FAM171A1: variants seen among roughly 807,000 people sequenced by gnomAD.
The protein encoded by FAM171A1 is protein FAM171A1.
FAM171A1 carries 23 observed loss-of-function variants against 74.9 expected under a neutral mutation model. That is an observed-to-expected ratio of 0.31 (90% CI 0.22 to 0.44). FAM171A1 has a LOEUF of 0.44. Ranked by LOEUF, FAM171A1 falls within the 20% of genes least tolerant of loss-of-function variation. The probability of loss-of-function intolerance (pLI) is 1.00; values close to 1 mark genes in which losing one functional copy is unlikely to be tolerated. For missense variants in FAM171A1, 1,162 were observed against 1,159.2 expected (o/e 1.00, Z -0.03); for synonymous variants, 527 against 505.7 (o/e 1.04, Z -0.57).
chr10:15,256,628 C>T (rs775708382), intron 3 of FAM171A1, among the ~76,000 whole-genome samples: 4 of 152,184 alleles, frequency 2.6e-5, no homozygotes, highest in Non-Finnish European at 4.4e-5. Flanking sequence ...AAACCCACAG[C>T]GACACACCAG....
intron 1 of FAM171A1, among the ~76,000 whole-genome samples, chr10:15,332,798 T>C (rs1193711636): frequency 6.6e-6 from 1 of 152,170 alleles, no homozygotes; most frequent in African/African-American, 2.4e-5. Context: ...GGGTATTCTA[T>C]GAGGAAAGCA....
At chr10:15,350,848 A>G (rs1835869206) in intron 1 of FAM171A1, among the ~76,000 whole-genome samples, 1 of 152,004 alleles carries the variant, frequency 6.6e-6, no homozygotes, top group Non-Finnish European at 1.5e-5. Context: ...TCGCCATGTT[A>G]AGCAGGCTGG....
At chr10:15,368,855 T>C (rs1836098002) in intron 1 of FAM171A1, among the ~76,000 whole-genome samples, 1 of 152,216 alleles carries the variant, frequency 6.6e-6, no homozygotes, top group African/African-American at 2.4e-5. Context: ...GGACTGACCT[T>C]CTAATGTCAA....
intron 1 of FAM171A1, among the ~76,000 whole-genome samples, chr10:15,312,671 GTGTT>G (rs1835374449): frequency 1.9e-5 from 1 of 51,884 alleles, no homozygotes; most frequent in African/African-American, 7.4e-5. Flanking sequence ...TCAGCACTGT[GTGTT>G]TTTTTTTTTT....
At chr10:15,223,415 G>A (rs185216140) in intron 5 of FAM171A1, among the ~76,000 whole-genome samples, 1 of 152,308 alleles carries the variant, frequency 6.6e-6, no homozygotes, top group East Asian at 1.9e-4. Flanking sequence ...CCCCACATTA[G>A]ATTGTTGAGT....
chr10:15,316,519 T>C (rs1309046900), intron 1 of FAM171A1, among the ~76,000 whole-genome samples: 1 of 152,170 alleles, frequency 6.6e-6, no homozygotes, highest in African/African-American at 2.4e-5. Context: ...ACCATTCCAG[T>C]CTGCAGGCTC....
At chr10:15,360,509 T>C (rs958086052) in intron 1 of FAM171A1, among the ~76,000 whole-genome samples, 3 of 152,246 alleles carry the variant, frequency 2.0e-5, no homozygotes, top group African/African-American at 7.2e-5. Context: ...CCTTTAGGAT[T>C]TCCTCCTTCT....
intron 5 of FAM171A1, among the ~76,000 whole-genome samples, chr10:15,235,313 A>C (rs1393583389): frequency 6.6e-6 from 1 of 151,318 alleles, no homozygotes; most frequent in African/African-American, 2.4e-5. Flanking sequence ...AAAAAAAAAA[A>C]AAAAAAAAAA....
At chr10:15,271,788 T>C (rs1834828493) in intron 3 of FAM171A1, among the ~76,000 whole-genome samples, 1 of 152,132 alleles carries the variant, frequency 6.6e-6, no homozygotes, top group South Asian at 2.1e-4. Context: ...CAAACTAAGC[T>C]TCATAAGTGA....
At chr10:15,329,060 A>C (rs1356102841) in intron 1 of FAM171A1, among the ~76,000 whole-genome samples, 2 of 152,212 alleles carry the variant, frequency 1.3e-5, no homozygotes, top group African/African-American at 4.8e-5. Context: ...ACTGCTGCTG[A>C]CACGGTGACA....
intron 4 of FAM171A1, among the ~76,000 whole-genome samples, chr10:15,252,560 G>A (rs1001638496): frequency 6.6e-6 from 1 of 152,156 alleles, no homozygotes; most frequent in African/African-American, 2.4e-5. Flanking sequence ...CCCAGGGGCC[G>A]CCATGGAGCT....
chr10:15,262,179 C>T (rs913605549), intron 3 of FAM171A1, among the ~76,000 whole-genome samples: 4 of 152,006 alleles, frequency 2.6e-5, no homozygotes, highest in Non-Finnish European at 4.4e-5. Context: ...TGGGAGTTAC[C>T]GGTAGGGAAG....
rs1050884057 is a variant in FAM171A1, at chr10:15,248,900, C to T, written c.578-85G>A. ...AACCTTTGCAAAAAAATAGTCGCAG[C>T]TACCATTACCTCCTATATGCCAGGG... is the stretch of plus-strand genomic sequence containing the variant. On this transcript the variant is annotated intron_variant, in intron 4 of 7. Coordinates refer to ENST00000378116, the MANE Select transcript of FAM171A1 (RefSeq NM_001010924.2). 6.3e-5 allele frequency: 79 copies of T among 1,251,826 alleles called. No homozygotes were observed. The African/African-American group carries it at 9.9e-4, about 16-fold the overall frequency. The allele number at this position is 1,251,826 out of a possible 1,614,324, so 77.5% of individuals were successfully genotyped here. A position where few individuals can be genotyped will look rare whatever the true frequency, so the allele number is the denominator to read the frequency against.
intron 5 of FAM171A1, among the ~76,000 whole-genome samples, chr10:15,227,752 T>C (rs539663740): frequency 3.3e-5 from 5 of 152,326 alleles, no homozygotes; most frequent in African/African-American, 9.6e-5. Context: ...TATAAACAAT[T>C]TGTTGAACTA....
intron 1 of FAM171A1, among the ~76,000 whole-genome samples, chr10:15,311,162 C>A (rs1835355674): frequency 6.6e-6 from 1 of 152,196 alleles, no homozygotes; most frequent in African/African-American, 2.4e-5. Context: ...ACAGTTGTTG[C>A]CTTTAAAAAG....
intron 1 of FAM171A1, among the ~76,000 whole-genome samples, chr10:15,328,555 T>C (rs796302244): frequency 3.5e-4 from 53 of 152,368 alleles, no homozygotes; most frequent in African/African-American, 1.1e-3. Context: ...GGCAATATGC[T>C]GTTTCGGTAA....
intron 6 of FAM171A1, among the ~76,000 whole-genome samples, chr10:15,220,511 G>A (rs574349137): frequency 2.0e-5 from 3 of 152,290 alleles, no homozygotes; most frequent in Admixed American, 1.3e-4. Context: ...ACTGGTTTAC[G>A]TTTAAGCCAT....
At chr10:15,216,203 T>G in intron 6 of FAM171A1, 93 bp from the exon 7 acceptor site, 4 of 777,374 alleles carry the variant, frequency 5.1e-6, no homozygotes, top group Non-Finnish European at 8.0e-6. Flanking sequence ...GTGCTTACTC[T>G]TCTTAGCTGG....
At chr10:15,223,923 CA>C (rs934097905) in intron 5 of FAM171A1, among the ~76,000 whole-genome samples, 9 of 151,840 alleles carry the variant, frequency 5.9e-5, no homozygotes, top group South Asian at 2.1e-4. Flanking sequence ...CAAAACAAAA[CA>C]AAAAAAACCC....
Sources: allele counts gnomAD v4.1 joint callset (sites outside exome capture counted in the v4.1 genomes callset), GRCh38; gene constraint gnomAD v4.1.1; transcripts MANE v1.5; gene names NCBI Gene and HGNC (gene_info 2026-07-23, HGNC 2026-07-21).